Variants in ABRAXAS1 observed in about 807,000 individuals in gnomAD.
ABRAXAS1 encodes BRCA1-A complex subunit Abraxas 1.
ABRAXAS1 carries 26 observed loss-of-function variants against 38.4 expected under a neutral mutation model. The observed-to-expected ratio is 0.68, with a 90% CI of 0.50 to 0.94. The LOEUF (loss-of-function observed/expected upper bound fraction) is 0.94, where lower values mean the gene tolerates loss of function less well. Among genes scored for constraint, ABRAXAS1 ranks in the 40% least tolerant of loss-of-function variants. The probability of loss-of-function intolerance (pLI) is 0.00; values close to 1 mark genes in which losing one functional copy is unlikely to be tolerated. For missense variants in ABRAXAS1, 438 were observed against 481.9 expected (o/e 0.91, Z 0.85); for synonymous variants, 144 against 165.5 (o/e 0.87, Z 1.00).
intron 7 of ABRAXAS1, among the ~76,000 whole-genome samples, chr4:83,466,575 GC>G (rs1462699712): frequency 6.9e-6 from 1 of 144,888 alleles, no homozygotes; most frequent in Non-Finnish European, 1.5e-5. Context: ...TCGTTCTGTT[GC>G]CCAGGCTGGA....
At chr4:83,471,191 C>CTTTTTTTTTTTTTTTTTTTTTTT (rs869128932) in intron 4 of ABRAXAS1, among the ~76,000 whole-genome samples, 1 of 58,170 alleles carries the variant, frequency 1.7e-5, no homozygotes, top group African/African-American at 5.1e-5. Flanking sequence ...AAAGAAACAT[C>CTTTTTTTTTTTTTTTTTTTTTTT]TTTTTTTTTT....
At chr4:83,484,404 C>T (rs143413733) in intron 1 of ABRAXAS1, among the ~76,000 whole-genome samples, 207 of 152,312 alleles carry the variant, frequency 1.4e-3, no homozygotes, top group Non-Finnish European at 2.5e-3. Flanking sequence ...AGAAAATAGG[C>T]AACGTACTTT....
At position 83,461,139 on chromosome 4, in the gene ABRAXAS1, A is replaced by C. The variant is rs1307831305; in HGVS notation, c.*1330T>G. The C allele has an allele frequency of 6.2e-7, 1 of 1,613,500 alleles. No individual in the cohort carries two copies. The highest frequency in any genetic ancestry group is 1.3e-5 in the African/African-American group (1 of 74,910). ...TTTACAGGGTTTATGCCAGTTACAT[A>C]CAAGGATCCTGCATATCTCAAGGAC... On this transcript the variant is annotated 3_prime_UTR_variant, in exon 9 of 9. Coordinates refer to ENST00000321945, the MANE Select transcript of ABRAXAS1 (RefSeq NM_139076.3).
In ABRAXAS1 at chr4:83,459,755, G is replaced by A. The variant is rs149425576; in HGVS notation, c.*2714C>T. 80 of 1,609,228 alleles carry A rather than the reference G, an allele frequency of 5.0e-5. No homozygotes were observed. Among genetic ancestry groups the A allele is most frequent in the Middle Eastern group, 3.3e-4 (2 of 6,066 alleles). The stretch of plus-strand genomic sequence containing the variant: ...TCCAAAACAGCTTTTGTCCCAGTTT[G>A]TTTCTCCATTTACTGGATGCATTTA... On this transcript the variant is annotated 3_prime_UTR_variant, in exon 9 of 9. Coordinates refer to ENST00000321945, the MANE Select transcript of ABRAXAS1 (RefSeq NM_139076.3).
In ABRAXAS1 at chr4:83,461,268, C is replaced by T. The variant is rs1196758560; in HGVS notation, c.*1201G>A. The stretch of plus-strand genomic sequence containing the variant: ...TGTATGATGCCAATACTGACTCAAA[C>T]CAACCTTTGGATAGAAAAGTGTTTG... On this transcript the variant is annotated 3_prime_UTR_variant, in exon 9 of 9. Coordinates refer to ENST00000321945, the MANE Select transcript of ABRAXAS1 (RefSeq NM_139076.3). 49 of 1,329,616 alleles carry T rather than the reference C, an allele frequency of 3.7e-5. No individual in the cohort carries two copies. Among genetic ancestry groups the T allele is most frequent in the Non-Finnish European group, 5.2e-5 (48 of 926,242 alleles). 82.4% of individuals were successfully genotyped at this position (1,329,616 alleles called of 1,614,324 possible).
chr4:83,477,891 G>A, intron 2 of ABRAXAS1: 1 of 740,334 alleles, frequency 1.4e-6, no homozygotes, highest in Non-Finnish European at 2.5e-6. Flanking sequence ...ATGATCTGTG[G>A]GGTAGTGTCA....
chr4:83,475,513 A>G (rs1454264845), intron 3 of ABRAXAS1, among the ~76,000 whole-genome samples: 2 of 152,036 alleles, frequency 1.3e-5, no homozygotes, highest in Non-Finnish European at 2.9e-5. Context: ...GCATGACCTC[A>G]GCTCACTTCA....
chr4:83,485,062 T>A lies in ABRAXAS1; in HGVS notation c.11A>T (p.Glu4Val), dbSNP rs780837222. 2 of 1,587,018 alleles carry A rather than the reference T, an allele frequency of 1.3e-6. No individual in the cohort carries two copies. Among genetic ancestry groups the A allele is most frequent in the East Asian group, 2.4e-5 (1 of 42,116 alleles). ...GCCCGAGAGCACCGCCGACGTACTC[T>A]CCCCCTCCATGCTACCGCCGCCTCA... MEG[E>V]STSAVLSGFV... The change falls in exon 1 of 9, where the codon GAG becomes GTG. Residue 4 changes from glutamate (E) to valine (V), a missense_variant. Around this residue, in one of 3 missense-constraint regions of ABRAXAS1, gnomAD observed 60 missense variants for 31.1 expected, o/e 1.93. Coordinates refer to ENST00000321945, the MANE Select transcript of ABRAXAS1 (RefSeq NM_139076.3).
At chr4:83,480,461 T>C (rs1359271135) in intron 2 of ABRAXAS1, 3 of 270,972 alleles carry the variant, frequency 1.1e-5, no homozygotes, top group Non-Finnish European at 2.2e-5. Context: ...CTAGTAAGAA[T>C]CCATGAAATA....
intron 1 of ABRAXAS1, chr4:83,484,236 A>ATTG (rs1457173237): frequency 2.0e-6 from 2 of 982,692 alleles, no homozygotes; most frequent in Admixed American, 6.1e-5. Context: ...ATTACTAGGC[A>ATTG]TTGTTCAGCA....
At chr4:83,475,341 TCTC>T (rs1167209535) in intron 3 of ABRAXAS1, among the ~76,000 whole-genome samples, 1 of 152,328 alleles carries the variant, frequency 6.6e-6, no homozygotes, top group South Asian at 2.1e-4. Flanking sequence ...TTTTTTCTGT[TCTC>T]CTCCTACAGT....
Position 83,463,563 on chromosome 4 carries a change from G to C in ABRAXAS1, c.727C>G (p.Leu243Val), listed in dbSNP as rs755187051. ...VEDSEQAVDK[L>V]VKDVNRLKRE... is the part of the protein sequence containing the mutation. ...TTTAATCTGTTTACATCCTTTACTA[G>C]TTTATCTACTGCTTGTTCACTGTCT... Residue 243 changes from leucine (L) to valine (V), a missense_variant, in exon 8 of 9, where the codon CTA becomes GTA. Coordinates refer to ENST00000321945, the MANE Select transcript of ABRAXAS1 (RefSeq NM_139076.3). 1.2e-5 allele frequency: 20 copies of C among 1,611,030 alleles called. No homozygotes were observed. In the East Asian group the frequency reaches 3.4e-4, roughly 27 times the overall value.
At chr4:83,467,612 G>T in intron 6 of ABRAXAS1, 74 bp from the exon 7 acceptor site, 1 of 776,372 alleles carries the variant, frequency 1.3e-6, no homozygotes, top group Non-Finnish European at 2.2e-6. Context: ...CTTATTCATT[G>T]TCAAGGACCA....
intron 1 of ABRAXAS1, among the ~76,000 whole-genome samples, chr4:83,484,617 C>G (rs911140026): frequency 1.3e-5 from 2 of 152,222 alleles, no homozygotes; most frequent in Non-Finnish European, 2.9e-5. Context: ...TCGGGCGTCG[C>G]GAGAAACGGA....
rs1316201164 is a variant in ABRAXAS1, at chr4:83,462,788, C to G, written c.911G>C (p.Arg304Thr). The change falls in exon 9 of 9, where the codon AGA becomes ACA. Residue 304 changes from arginine (R) to threonine (T), a missense_variant. Arg to Thr is a moderately conservative substitution (Grantham distance 71). Coordinates refer to ENST00000321945, the MANE Select transcript of ABRAXAS1 (RefSeq NM_139076.3). ...LHSCVMSLKN[R>T]HVSKSSCNYN... ...GTTACAGCTACTTTTAGAAACATGT[C>G]TATTTTTTAAAGACATAACACATGA... The G allele has an allele frequency of 1.2e-6, 2 of 1,613,876 alleles. No homozygotes were observed. Among genetic ancestry groups the G allele is most frequent in the South Asian group, 2.2e-5 (2 of 91,040 alleles).
chr4:83,467,643 GT>G, intron 6 of ABRAXAS1, 105 bp from the exon 7 acceptor site: 1 of 651,360 alleles, frequency 1.5e-6, no homozygotes, highest in South Asian at 1.9e-5. Context: ...CTTTTTACTG[GT>G]TTTGTAGGAA....
intron 2 of ABRAXAS1, chr4:83,477,804 C>T (rs1011264906): frequency 1.2e-5 from 9 of 778,664 alleles, no homozygotes; most frequent in African/African-American, 5.2e-5. Context: ...TCATATGGCA[C>T]CATTAAAATT....
Position 83,459,596 on chromosome 4 carries a change from CA to C in ABRAXAS1, c.*2872del. On this transcript the variant is annotated 3_prime_UTR_variant, in exon 9 of 9. Coordinates refer to ENST00000321945, the MANE Select transcript of ABRAXAS1 (RefSeq NM_139076.3). ...TATTTAAAAGGTAACAGGAGGATAA[CA>C]ATATTTTTTTCTTATATTTTATGAA... 1 of 659,762 alleles carries C rather than the reference CA, an allele frequency of 1.5e-6. No homozygotes were observed. The highest frequency in any genetic ancestry group is 2.1e-5 in the South Asian group (1 of 47,264). 40.9% of individuals were successfully genotyped at this position (659,762 alleles called of 1,614,324 possible). A position where few individuals can be genotyped will look rare whatever the true frequency, so the allele number is the denominator to read the frequency against.
chr4:83,459,585 C>A lies in ABRAXAS1; in HGVS notation c.*2884G>T. On this transcript the variant is annotated 3_prime_UTR_variant, in exon 9 of 9. Coordinates refer to ENST00000321945, the MANE Select transcript of ABRAXAS1 (RefSeq NM_139076.3). ...TGGATAGAAAATATTTAAAAGGTAA[C>A]AGGAGGATAACAATATTTTTTTCTT... The A allele has an allele frequency of 1.6e-6, 1 of 619,084 alleles. No individual in the cohort carries two copies. The highest frequency in any genetic ancestry group is 2.9e-5 in the East Asian group (1 of 34,036). 38.3% of individuals were successfully genotyped at this position (619,084 alleles called of 1,614,324 possible).
Sources: allele counts gnomAD v4.1 joint callset (sites outside exome capture counted in the v4.1 genomes callset), GRCh38; gene constraint gnomAD v4.1.1; regional missense constraint gnomAD v4.1.1; transcripts MANE v1.5; gene names NCBI Gene and HGNC (gene_info 2026-07-23, HGNC 2026-07-21).